The following EHMT1 variants were observed in gnomAD, a reference collection of about 807,000 sequenced individuals.
The protein encoded by EHMT1 is euchromatic histone lysine methyltransferase 1.
A neutral mutation model predicts 147.2 loss-of-function variants in EHMT1; 15 were observed. The observed-to-expected ratio is 0.10, with a 90% CI of 0.07 to 0.16. EHMT1 has a LOEUF of 0.16. Ranked by LOEUF, EHMT1 falls within the 10% of genes least tolerant of loss-of-function variation. The pLI is 1.00. For missense variants in EHMT1, 1,587 were observed against 1,772.4 expected, an observed-to-expected ratio of 0.90 and a Z score of 1.88; for synonymous variants, 795 against 709.6, an observed-to-expected ratio of 1.12 and a Z score of -1.91.
At chr9:137,829,059 C>T (rs1023530187) in intron 25 of EHMT1, among the ~76,000 whole-genome samples, 2 of 152,246 alleles carry the variant, frequency 1.3e-5, no homozygotes, top group East Asian at 1.9e-4. Flanking sequence ...CCAGGCACCA[C>T]GGGGAGGCCC....
intron 18 of EHMT1, among the ~76,000 whole-genome samples, chr9:137,804,866 A>G (rs1428332333): frequency 6.6e-6 from 1 of 152,234 alleles, no homozygotes; most frequent in Non-Finnish European, 1.5e-5. Context: ...ACCATTGCCA[A>G]AAGCCAGTTG....
At chr9:137,621,388 C>T (rs2133415917) in intron 1 of EHMT1, among the ~76,000 whole-genome samples, 1 of 152,226 alleles carries the variant, frequency 6.6e-6, no homozygotes, top group South Asian at 2.1e-4. Context: ...CAAAGATAGT[C>T]AATACATTTT....
chr9:137,709,071 T>C (rs1944477406), intron 1 of EHMT1, among the ~76,000 whole-genome samples: 1 of 152,194 alleles, frequency 6.6e-6, no homozygotes, highest in Non-Finnish European at 1.5e-5. Flanking sequence ...CACTTCGGTG[T>C]CCTGACCTGG....
chr9:137,812,787 C>T (rs181833975), intron 19 of EHMT1, among the ~76,000 whole-genome samples: 23 of 152,384 alleles, frequency 1.5e-4, no homozygotes, highest in African/African-American at 5.5e-4. Flanking sequence ...AGCCTGCTGA[C>T]TTTGACAGTG....
chr9:137,719,198 G>C (rs2135555512), intron 3 of EHMT1, among the ~76,000 whole-genome samples: 1 of 152,168 alleles, frequency 6.6e-6, no homozygotes, highest in East Asian at 1.9e-4. Flanking sequence ...TCCTGTTTGT[G>C]ACTTTTTTTT....
intron 1 of EHMT1, among the ~76,000 whole-genome samples, chr9:137,704,948 ATCCCCTCCCC>A (rs1021646072): frequency 4.4e-5 from 4 of 90,392 alleles, no homozygotes; most frequent in African/African-American, 4.5e-5. Flanking sequence ...TCCCTTCTTT[ATCCCCTCCCC>A]TCCCCTCCCT....
chr9:137,737,113 G>C (rs1418927829), intron 4 of EHMT1, among the ~76,000 whole-genome samples: 1 of 152,140 alleles, frequency 6.6e-6, no homozygotes, highest in Non-Finnish European at 1.5e-5. Flanking sequence ...CCCAGAGGCT[G>C]AGGTGGGAGG....
chr9:137,639,713 T>C (rs1844345463), intron 1 of EHMT1, among the ~76,000 whole-genome samples: 1 of 152,238 alleles, frequency 6.6e-6, no homozygotes, highest in African/African-American at 2.4e-5. Flanking sequence ...GGATGTCTCT[T>C]ACAGTCCTTT....
chr9:137,734,458 AGACT>A, intron 4 of EHMT1, among the ~76,000 whole-genome samples: 1 of 152,334 alleles, frequency 6.6e-6, no homozygotes. Context: ...GCAAACAACA[AGACT>A]GAAGGGAAGT....
At chr9:137,709,253 G>T (rs1944491936) in intron 1 of EHMT1, among the ~76,000 whole-genome samples, 1 of 152,132 alleles carries the variant, frequency 6.6e-6, no homozygotes, top group African/African-American at 2.4e-5. Flanking sequence ...GGTGTGAAGG[G>T]TGCAGGCTGA....
rs1588643920 is a variant in EHMT1, at chr9:137,775,547, T to A, written c.1791+295T>A. Among the ~76,000 whole-genome samples the A allele has an allele frequency of 6.6e-6, 1 of 150,806 alleles. No individual in the cohort carries two copies. Among genetic ancestry groups the A allele is most frequent in the African/African-American group, 2.4e-5 (1 of 41,136 alleles). ...CCAGGCCAGAGGAGGGAAGTGAGGG[T>A]TGGGGGTGAAGGTGTCTAAGGCACT... On this transcript the variant is annotated intron_variant, in intron 11 of 26. Transcript: ENST00000460843. This position sits in a 1 kb window ranked among gnomAD's most constrained non-coding sequence, Gnocchi z 6.1.
intron 19 of EHMT1, among the ~76,000 whole-genome samples, chr9:137,812,310 A>G (rs1394650085): frequency 1.3e-5 from 2 of 152,204 alleles, no homozygotes; most frequent in Non-Finnish European, 1.5e-5. Flanking sequence ...CTACACTCCA[A>G]CCTGGGCGAC....
In EHMT1 at chr9:137,674,495, GCT is replaced by G. The variant is rs549641593; in HGVS notation, c.22-36469_22-36468del. 1.8e-4 allele frequency among the ~76,000 whole-genome samples: 27 copies of G among 152,288 alleles called. No individual in the cohort carries two copies. The East Asian group carries it at 2.9e-3, about 16-fold the overall frequency. On this transcript the variant is annotated intron_variant, in intron 1 of 26. Transcript: ENST00000460843. ...AGATGCCCTGACTCTCGGCTCCAGC[GCT>G]CTTTCTTTGTGTTCTGTCTGGTCTA...
At chr9:137,715,691 G>C in intron 2 of EHMT1, 1 of 985,444 alleles carries the variant, frequency 1.0e-6, no homozygotes, top group Non-Finnish European at 1.2e-6. Context: ...CCCTGGATAT[G>C]ATTTCCTGGG....
At chr9:137,724,929 C>CT (rs1450335499) in intron 3 of EHMT1, among the ~76,000 whole-genome samples, 3 of 145,454 alleles carry the variant, frequency 2.1e-5, no homozygotes, top group East Asian at 4.2e-4. Flanking sequence ...GTGTGGCAGG[C>CT]TTGTGGCATT....
chr9:137,619,101 A>G (rs959824434), intron 1 of EHMT1, 52 bp downstream of exon 1: 5 of 590,146 alleles, frequency 8.5e-6, no homozygotes, highest in Non-Finnish European at 1.0e-5. Context: ...GCAGCGGCGG[A>G]GGCGGCGCGG....
At chr9:137,679,897 GT>G (rs1156345942) in intron 1 of EHMT1, among the ~76,000 whole-genome samples, 1 of 152,136 alleles carries the variant, frequency 6.6e-6, no homozygotes, top group African/African-American at 2.4e-5. Context: ...TTTTCCTGCT[GT>G]TTTTGTGATT....
chr9:137,802,856 G>A (rs1953618003), intron 18 of EHMT1: 1 of 1,231,952 alleles, frequency 8.1e-7, no homozygotes, highest in South Asian at 4.1e-5. Flanking sequence ...CTGCGGGTTA[G>A]GATGACGGCA....
At chr9:137,620,111 G>T (rs1842862215) in intron 1 of EHMT1, 1 of 152,088 alleles carries the variant, frequency 6.6e-6, no homozygotes, top group African/African-American at 2.4e-5. Flanking sequence ...TGCATTTTTG[G>T]GGGGTGTTGA....
Sources: gnomAD v4.1 joint callset for allele counts (sites outside exome capture counted in the v4.1 genomes callset) on GRCh38, gnomAD v4.1.1 for gene constraint, Gnocchi (gnomAD v3.1) non-coding constraint, MANE v1.5 for transcripts, NCBI Gene and HGNC (gene_info 2026-07-23, HGNC 2026-07-21) for gene names.